Variants in NLGN1 observed in about 807,000 individuals in gnomAD.
The protein encoded by NLGN1 is neuroligin-1.
A neutral mutation model predicts 65.5 loss-of-function variants in NLGN1; 12 were observed. The ratio of observed to expected loss-of-function variants is 0.18; its 90% CI spans 0.12 to 0.30. The LOEUF (loss-of-function observed/expected upper bound fraction) is 0.30, where lower values mean the gene tolerates loss of function less well. Among genes scored for constraint, NLGN1 ranks in the 10% least tolerant of loss-of-function variants. The pLI is 1.00. For missense variants in NLGN1, 750 were observed against 1,007.1 expected (o/e 0.74, Z 3.46); for synonymous variants, 350 against 359.5 (o/e 0.97, Z 0.30).
chr3:174,136,849 C>A (rs575628670), intron 4 of NLGN1, among the ~76,000 whole-genome samples: 1 of 152,146 alleles, frequency 6.6e-6, no homozygotes, highest in African/African-American at 2.4e-5. Context: ...GGAAACACAG[C>A]CATAAATGTT....
At chr3:173,484,353 G>A (rs1037387001) in intron 2 of NLGN1, among the ~76,000 whole-genome samples, 1 of 152,062 alleles carries the variant, frequency 6.6e-6, no homozygotes, top group Non-Finnish European at 1.5e-5. Flanking sequence ...TTTGATCATG[G>A]GGAGAGGGAT....
At chr3:173,842,258 G>A (rs1560476633) in intron 4 of NLGN1, among the ~76,000 whole-genome samples, 1 of 152,160 alleles carries the variant, frequency 6.6e-6, no homozygotes. Flanking sequence ...TGACATGTGG[G>A]AAGTGTGAGA....
intron 1 of NLGN1, among the ~76,000 whole-genome samples, chr3:173,406,510 A>AT (rs1199468740): frequency 6.8e-6 from 1 of 147,796 alleles, no homozygotes; most frequent in African/African-American, 2.5e-5. Context: ...ATATATATGA[A>AT]TCACATATAT....
At chr3:173,817,078 A>G (rs1352571452) in intron 4 of NLGN1, among the ~76,000 whole-genome samples, 1 of 152,248 alleles carries the variant, frequency 6.6e-6, no homozygotes, top group Non-Finnish European at 1.5e-5. Flanking sequence ...CTGGATCTCA[A>G]GGGTCAATAG....
chr3:173,462,101 A>G (rs1176929232), intron 2 of NLGN1, among the ~76,000 whole-genome samples: 1 of 152,220 alleles, frequency 6.6e-6, no homozygotes, highest in Non-Finnish European at 1.5e-5. Context: ...TATTAGGTTC[A>G]GTGCTGTTAC....
chr3:174,007,869 G>A (rs998664526), intron 4 of NLGN1, among the ~76,000 whole-genome samples: 5 of 152,028 alleles, frequency 3.3e-5, no homozygotes, highest in Admixed American at 1.3e-4. Context: ...ACATGATGAG[G>A]CTGGATAGAG....
At chr3:173,924,629 AAAAAT>A (rs1327437172) in intron 4 of NLGN1, among the ~76,000 whole-genome samples, 5 of 151,974 alleles carry the variant, frequency 3.3e-5, no homozygotes, top group African/African-American at 1.2e-4. Context: ...TCTCAAAAAA[AAAAAT>A]AAAAATAAAA....
At chr3:173,904,090 C>T (rs1427637058) in intron 4 of NLGN1, among the ~76,000 whole-genome samples, 3 of 152,118 alleles carry the variant, frequency 2.0e-5, no homozygotes, top group African/African-American at 4.8e-5. Flanking sequence ...TCAACTTACA[C>T]GACTGTGGGC....
At chr3:173,693,441 T>C (rs1051070908) in intron 3 of NLGN1, among the ~76,000 whole-genome samples, 2 of 152,022 alleles carry the variant, frequency 1.3e-5, no homozygotes, top group African/African-American at 4.8e-5. Context: ...AAGCTAAAAC[T>C]TTACCAATAC....
downstream of NLGN1, among the ~76,000 whole-genome samples, chr3:174,289,906 T>C (rs1009618023): frequency 2.8e-5 from 4 of 145,452 alleles, no homozygotes; most frequent in African/African-American, 7.5e-5. Context: ...TTTATATATA[T>C]ATATGTATGT....
rs572943617 is a variant in NLGN1 at position 174,238,676 on chromosome 3, T to C, written c.647-36639T>C. ...CGCCCAGCCTATGAAGTACTTCTTA[T>C]GTTTTTTTCTCCCTCTTACAGTTTC... On this transcript the variant is annotated intron_variant, in intron 4 of 6. Transcript: ENST00000457714. Among the ~76,000 whole-genome samples the C allele has an allele frequency of 5.6e-4, 85 of 152,308 alleles. 2 individuals are homozygous for C. In the South Asian group the frequency reaches 0.016, roughly 29 times the overall value.
At chr3:173,685,776 G>A (rs1764596231) in intron 3 of NLGN1, 1 of 985,282 alleles carries the variant, frequency 1.0e-6, no homozygotes, top group African/African-American at 1.7e-5. Context: ...CTTTTTGTAT[G>A]TGCTGTGTCA....
At chr3:174,272,646 TATGG>T (rs149767908) in intron 4 of NLGN1, among the ~76,000 whole-genome samples, 39 of 145,416 alleles carry the variant, frequency 2.7e-4, no homozygotes, top group Admixed American at 1.3e-3. Flanking sequence ...CAGATGATGA[TATGG>T]ATGGATGGAT....
In NLGN1 at chr3:173,789,190, G is replaced by A. The variant is rs557660937; in HGVS notation, c.494-18490G>A. On this transcript the variant is annotated intron_variant, in intron 3 of 6. Coordinates refer to ENST00000457714, the Ensembl canonical transcript of NLGN1. Reference sequence around the variant, plus strand: ...CTCTAGCCTGGATGACAGAGTGAGAGTCCATCCAAAAAAAAAAGAAAGAGA... The same window carrying A: ...CTCTAGCCTGGATGACAGAGTGAGAATCCATCCAAAAAAAAAAGAAAGAGA... Among the ~76,000 whole-genome samples the A allele has an allele frequency of 1.4e-3, 216 of 149,838 alleles. 1 individual carries two copies. Among genetic ancestry groups the A allele is most frequent in the African/African-American group, 4.9e-3 (198 of 40,508 alleles).
rs538812180 is a variant in NLGN1, at chr3:174,204,423, A to T, written c.647-70892A>T. 1.9e-4 allele frequency among the ~76,000 whole-genome samples: 29 copies of T among 152,364 alleles called. No homozygotes were observed. In the South Asian group the frequency reaches 3.7e-3, roughly 20 times the overall value. On this transcript the variant is annotated intron_variant, in intron 4 of 6. Coordinates refer to ENST00000457714, the Ensembl canonical transcript of NLGN1. The stretch of plus-strand genomic sequence containing the variant: ...ACTGATGTAAAGAAATCTTCATTGA[A>T]CATTCCAGCCGATCAGCCACTGGAT...
At chr3:173,529,368 G>C (rs1736171022) in intron 2 of NLGN1, among the ~76,000 whole-genome samples, 1 of 152,178 alleles carries the variant, frequency 6.6e-6, no homozygotes, top group African/African-American at 2.4e-5. Context: ...GGGCTGGGCA[G>C]CCCTGTTCGG....
chr3:173,769,907 C>T (rs1211398051), intron 3 of NLGN1, among the ~76,000 whole-genome samples: 1 of 152,174 alleles, frequency 6.6e-6, no homozygotes, highest in African/African-American at 2.4e-5. Flanking sequence ...GTAGCATTTC[C>T]CCTACAGGAC....
intron 4 of NLGN1, among the ~76,000 whole-genome samples, chr3:174,024,723 C>T (rs557607523): frequency 6.6e-6 from 1 of 152,268 alleles, no homozygotes; most frequent in Non-Finnish European, 1.5e-5. Flanking sequence ...GAAAGGGGCA[C>T]CATGACTCAG....
At chr3:173,797,712 GA>G (rs1303804960) in intron 3 of NLGN1, among the ~76,000 whole-genome samples, 2 of 128,824 alleles carry the variant, frequency 1.6e-5, no homozygotes, top group African/African-American at 5.8e-5. Context: ...AAAAAAACAA[GA>G]AACAAACAAG....
Sources: allele counts gnomAD v4.1 joint callset (sites outside exome capture counted in the v4.1 genomes callset), GRCh38; gene constraint gnomAD v4.1.1; transcripts MANE v1.5; gene names NCBI Gene and HGNC (gene_info 2026-07-23, HGNC 2026-07-21).